Variants in CLEC4C observed in about 807,000 individuals in gnomAD.
The protein encoded by CLEC4C is C-type (calcium dependent, carbohydrate-recognition domain) lectin, superfamily member 11.
In CLEC4C, 17 loss-of-function variants were observed where a neutral mutation model predicts 27.7. That is an observed-to-expected ratio of 0.61 (90% CI 0.42 to 0.92). The LOEUF (loss-of-function observed/expected upper bound fraction) is 0.92. Ranked by LOEUF, CLEC4C falls within the 40% of genes least tolerant of loss-of-function variation. CLEC4C has a pLI of 0.00. For synonymous variants in CLEC4C, 80 were observed against 80.8 expected, an observed-to-expected ratio of 0.99 and a Z score of 0.06; for missense variants, 244 against 257.3, an observed-to-expected ratio of 0.95 and a Z score of 0.35.
chr12:7,747,573 C>A, upstream of CLEC4C: 2 of 336,344 alleles, frequency 5.9e-6, no homozygotes, highest in Non-Finnish European at 1.1e-5. Context: ...AATAAGGAAA[C>A]ACAAACAAGG....
intron 2 of CLEC4C, 71 bp downstream of exon 2, chr12:7,746,260 T>C: frequency 1.1e-6 from 1 of 879,708 alleles, no homozygotes; most frequent in Non-Finnish European, 1.8e-6. Flanking sequence ...GGAACGTGTT[T>C]CTTCAGGAAA....
rs781712344 is a variant in CLEC4C, at chr12:7,737,474, A to G, written c.336T>C (p.Ser112=). The stretch of plus-strand genomic sequence containing the variant: ...TCACCACCAGATCAGCCCCCATCAC[A>G]GAACAGTTCTTTTGACTCTTAGTCC... ...QSWTKSQKNC[S]VMGADLVVIN... Residue 112 remains serine (S), a synonymous_variant, in exon 4 of 6, where the codon TCT becomes TCC. Coordinates refer to ENST00000360345, the MANE Select transcript of CLEC4C (RefSeq NM_001371390.1). 5 of 1,613,928 alleles carry G rather than the reference A, an allele frequency of 3.1e-6. No individual in the cohort carries two copies. Among genetic ancestry groups the G allele is most frequent in the South Asian group, 1.1e-5 (1 of 91,078 alleles).
At chr12:7,735,629 A>AC (rs1864708419) in intron 4 of CLEC4C, among the ~76,000 whole-genome samples, 1 of 150,276 alleles carries the variant, frequency 6.7e-6, no homozygotes, top group African/African-American at 2.4e-5. Context: ...ATATGGTGAA[A>AC]CCCCGTCTCT....
chr12:7,732,175 A>G (rs1864610528), intron 4 of CLEC4C, among the ~76,000 whole-genome samples: 1 of 151,892 alleles, frequency 6.6e-6, no homozygotes, highest in South Asian at 2.1e-4. Context: ...GATAACAGGC[A>G]TGCAACATCA....
At chr12:7,747,538 A>G (rs952282376), upstream of CLEC4C, 5 of 496,044 alleles carry the variant, frequency 1.0e-5, no homozygotes, top group Admixed American at 1.6e-4. Context: ...AAAGCTTTCA[A>G]TTTAAAACAT....
At chr12:7,749,410 CCAAG>C (rs2120462959), upstream of CLEC4C, 1 of 152,056 alleles carries the variant, frequency 6.6e-6, no homozygotes, top group South Asian at 2.1e-4. Flanking sequence ...AAAAAATTAG[CCAAG>C]CATGGTGGCA....
At chr12:7,730,382 T>C (rs1396708755) in intron 5 of CLEC4C, among the ~76,000 whole-genome samples, 3 of 152,234 alleles carry the variant, frequency 2.0e-5, no homozygotes, top group Non-Finnish European at 2.9e-5. Flanking sequence ...GGCTCACACC[T>C]GTAATCTCAG....
At chr12:7,731,490 CTCTT>C (rs1329738365) in intron 4 of CLEC4C, among the ~76,000 whole-genome samples, 11 of 152,144 alleles carry the variant, frequency 7.2e-5, no homozygotes, top group Non-Finnish European at 1.6e-4. Flanking sequence ...TATTTCTTTC[CTCTT>C]TCTTTAATTC....
intron 4 of CLEC4C, among the ~76,000 whole-genome samples, chr12:7,731,216 T>C (rs1296323913): frequency 6.6e-6 from 1 of 151,862 alleles, no homozygotes; most frequent in East Asian, 1.9e-4. Flanking sequence ...TGCACTAAGA[T>C]AGGAAAGCTA....
chr12:7,745,712 C>T (rs11055567), intron 2 of CLEC4C, among the ~76,000 whole-genome samples: 33,014 of 151,204 alleles, frequency 0.22, 4,282 homozygotes, highest in Admixed American at 0.31. Context: ...GGATTACAGG[C>T]ATGAGCTACC....
chr12:7,743,529 C>T (rs7304384), intron 2 of CLEC4C, among the ~76,000 whole-genome samples: 33,111 of 151,732 alleles, frequency 0.22, 4,301 homozygotes, highest in Admixed American at 0.31. Context: ...GCACTACAGG[C>T]GCCCGCCACC....
At chr12:7,736,547 T>A (rs746009954) in intron 4 of CLEC4C, among the ~76,000 whole-genome samples, 2 of 152,334 alleles carry the variant, frequency 1.3e-5, no homozygotes, top group South Asian at 2.1e-4. Flanking sequence ...TTTTTAAAAT[T>A]AAAATTCTTC....
At chr12:7,731,641 G>A (rs907641568) in intron 4 of CLEC4C, among the ~76,000 whole-genome samples, 21 of 152,176 alleles carry the variant, frequency 1.4e-4, no homozygotes, top group African/African-American at 4.6e-4. Flanking sequence ...AGCAGGGCTG[G>A]ATCAAAGACA....
At chr12:7,740,556 C>A (rs1418276718) in intron 3 of CLEC4C, among the ~76,000 whole-genome samples, 1 of 151,648 alleles carries the variant, frequency 6.6e-6, no homozygotes, top group Admixed American at 6.6e-5. Flanking sequence ...AAAAAATTAG[C>A]CGGGCCTGGC....
upstream of CLEC4C, chr12:7,749,394 A>C (rs1362609649): frequency 6.6e-6 from 1 of 152,000 alleles, no homozygotes; most frequent in Admixed American, 6.6e-5. Context: ...TCTCTACTAA[A>C]AATCCAAAAA....
intron 3 of CLEC4C, among the ~76,000 whole-genome samples, chr12:7,741,120 G>A (rs1864844704): frequency 6.6e-6 from 1 of 152,072 alleles, no homozygotes; most frequent in African/African-American, 2.4e-5. Flanking sequence ...GAGCCACCGC[G>A]CCCGGACTTT....
chr12:7,739,851 T>C (rs1268018707), intron 3 of CLEC4C, among the ~76,000 whole-genome samples: 1 of 151,192 alleles, frequency 6.6e-6, no homozygotes, highest in African/African-American at 2.4e-5. Flanking sequence ...CGGTAATTTT[T>C]TTTTTTTTTT....
In CLEC4C at chr12:7,729,584, A is replaced by G; in HGVS notation, c.*12T>C. The G allele has an allele frequency of 1.9e-6, 3 of 1,611,286 alleles. No individual in the cohort carries two copies. Among genetic ancestry groups the G allele is most frequent in the Non-Finnish European group, 2.5e-6 (3 of 1,178,402 alleles). On this transcript the variant is annotated 3_prime_UTR_variant, in exon 6 of 6. Transcript: ENST00000360345. ...TGCCAACCCAAACACATTTCCAGGG[A>G]GAATATTTCATTTATATGTAGATCT...
chr12:7,729,878 G>A lies in CLEC4C; in HGVS notation c.498-138C>T, dbSNP rs745499140. On this transcript the variant is annotated intron_variant, in intron 5 of 5. Coordinates refer to ENST00000360345, the MANE Select transcript of CLEC4C (RefSeq NM_001371390.1). ...ACCACCTTCTCACTTCTGCTGCCAC[G>A]TTTTGTAAAACCTCATGTTCAGGCA... 67 of 727,132 alleles carry A rather than the reference G, an allele frequency of 9.2e-5. 1 individual carries two copies. In the South Asian group the frequency reaches 1.2e-3, roughly 13 times the overall value. The allele number at this position is 727,132 out of a possible 1,614,324, so 45.0% of individuals were successfully genotyped here.
Sources: allele counts gnomAD v4.1 joint callset (sites outside exome capture counted in the v4.1 genomes callset), GRCh38; gene constraint gnomAD v4.1.1; transcripts MANE v1.5; gene names NCBI Gene and HGNC (gene_info 2026-07-23, HGNC 2026-07-21).